Variants in ZSWIM5 observed in about 807,000 individuals in gnomAD.
The protein encoded by ZSWIM5 is zinc finger SWIM domain-containing protein 5.
Under a neutral mutation model 119.6 loss-of-function variants are expected in ZSWIM5, and 55 were observed. The observed-to-expected ratio is 0.46, with a 90% CI of 0.37 to 0.58. The LOEUF is 0.58. Among genes scored for constraint, ZSWIM5 ranks in the 20% least tolerant of loss-of-function variants. The pLI, the probability that ZSWIM5 is intolerant of heterozygous loss-of-function variation, is 0.00. For missense variants in ZSWIM5, 1,193 were observed against 1,512.8 expected, an observed-to-expected ratio of 0.79 and a Z score of 3.51; for synonymous variants, 537 against 606.9, an observed-to-expected ratio of 0.88 and a Z score of 1.69.
chr1:45,175,807 T>A (rs1199145326), intron 1 of ZSWIM5, among the ~76,000 whole-genome samples: 2 of 151,950 alleles, frequency 1.3e-5, no homozygotes, highest in South Asian at 2.1e-4. Context: ...TTTCATTCAA[T>A]GGGTTGGTTA....
intron 4 of ZSWIM5, among the ~76,000 whole-genome samples, chr1:45,054,678 T>C (rs555430160): frequency 6.7e-6 from 1 of 149,834 alleles, no homozygotes; most frequent in South Asian, 2.1e-4. Context: ...AAATATTAAA[T>C]ATAATAAAAT....
intron 1 of ZSWIM5, among the ~76,000 whole-genome samples, chr1:45,137,922 G>GCTTT (rs1264768352): frequency 2.6e-5 from 4 of 152,170 alleles, no homozygotes; most frequent in Non-Finnish European, 5.9e-5. Context: ...TAGGAACAAG[G>GCTTT]AGGCCAGTTA....
At chr1:45,158,371 G>A (rs985336656) in intron 1 of ZSWIM5, among the ~76,000 whole-genome samples, 2 of 151,952 alleles carry the variant, frequency 1.3e-5, no homozygotes, top group Admixed American at 6.6e-5. Flanking sequence ...GTTTTGCCAC[G>A]TTGCCCAGGC....
chr1:45,040,562 T>G, intron 6 of ZSWIM5, 24 bp from the exon 7 acceptor site: 1 of 1,559,280 alleles, frequency 6.4e-7, no homozygotes. Flanking sequence ...AGAAGATATT[T>G]TGGTCTAGTT....
rs555643629 is a variant in ZSWIM5, at chr1:45,118,620, T to C, written c.596-30383A>G. ...AGCCAAGTGTGCTGGTGCATGCCTGTAGTCCCAGCTACTCTGGAGGCTGAG... is the reference window on the plus strand; with the variant it reads ...AGCCAAGTGTGCTGGTGCATGCCTGCAGTCCCAGCTACTCTGGAGGCTGAG... On this transcript the variant is annotated intron_variant, in intron 1 of 13. Transcript: ENST00000359600. 3.3e-5 allele frequency among the ~76,000 whole-genome samples: 5 copies of C among 151,676 alleles called. No individual in the cohort carries two copies. The East Asian group carries it at 7.8e-4, about 24-fold the overall frequency.
chr1:45,034,069 G>A (rs1387199940), intron 11 of ZSWIM5, among the ~76,000 whole-genome samples: 1 of 152,146 alleles, frequency 6.6e-6, no homozygotes, highest in African/African-American at 2.4e-5. Flanking sequence ...TGGCCAGGAT[G>A]GTCTCGATCT....
chr1:45,029,881 T>C (rs1447460515), intron 11 of ZSWIM5, among the ~76,000 whole-genome samples: 2 of 152,242 alleles, frequency 1.3e-5, no homozygotes, highest in African/African-American at 4.8e-5. Context: ...TTATTATAAA[T>C]GTACAACTAT....
At chr1:45,115,480 C>T (rs1645548934) in intron 1 of ZSWIM5, among the ~76,000 whole-genome samples, 1 of 149,162 alleles carries the variant, frequency 6.7e-6, no homozygotes, top group African/African-American at 2.5e-5. Context: ...CGGGCAGAGA[C>T]ACTCCTCAGT....
At chr1:45,169,698 CAATACAAGCTT>C (rs1342219526) in intron 1 of ZSWIM5, among the ~76,000 whole-genome samples, 3 of 152,012 alleles carry the variant, frequency 2.0e-5, no homozygotes, top group African/African-American at 7.2e-5. Flanking sequence ...CCTAACTCAG[CAATACAAGCTT>C]AATACATAGT....
At chr1:45,021,881 G>A (rs1416996770) in intron 11 of ZSWIM5, among the ~76,000 whole-genome samples, 1 of 151,762 alleles carries the variant, frequency 6.6e-6, no homozygotes, top group Non-Finnish European at 1.5e-5. Context: ...AATTAGCCAG[G>A]CATGGTGGCG....
chr1:45,164,324 T>G (rs1268934828), intron 1 of ZSWIM5, among the ~76,000 whole-genome samples: 2 of 152,076 alleles, frequency 1.3e-5, no homozygotes, highest in Non-Finnish European at 2.9e-5. Flanking sequence ...AAGGAAGCAC[T>G]AAACATGGAA....
intron 1 of ZSWIM5, among the ~76,000 whole-genome samples, chr1:45,163,208 G>A (rs543685557): frequency 1.3e-5 from 2 of 152,288 alleles, no homozygotes; most frequent in South Asian, 2.1e-4. Context: ...CAGGTAAACA[G>A]GGTCTGGAGT....
intron 2 of ZSWIM5, among the ~76,000 whole-genome samples, chr1:45,073,863 GT>G (rs1193076220): frequency 6.6e-6 from 1 of 151,906 alleles, no homozygotes; most frequent in African/African-American, 2.4e-5. Flanking sequence ...GATATTAGCT[GT>G]GGGTCTGCCA....
At chr1:45,174,052 A>C (rs1645961066) in intron 1 of ZSWIM5, among the ~76,000 whole-genome samples, 1 of 152,146 alleles carries the variant, frequency 6.6e-6, no homozygotes, top group Admixed American at 6.6e-5. Flanking sequence ...AGGTGGGTGG[A>C]TCACTTGAGG....
chr1:45,153,952 C>T (rs1186537747), intron 1 of ZSWIM5, among the ~76,000 whole-genome samples: 1 of 152,120 alleles, frequency 6.6e-6, no homozygotes, highest in African/African-American at 2.4e-5. Context: ...TATACACCAA[C>T]AGTGACCAAG....
chr1:45,174,379 TAAAC>T (rs1356648231), intron 1 of ZSWIM5, among the ~76,000 whole-genome samples: 1 of 152,056 alleles, frequency 6.6e-6, no homozygotes, highest in Admixed American at 6.6e-5. Flanking sequence ...CATATTCTCT[TAAAC>T]AATTCAAAAT....
chr1:45,046,822 G>A (rs1645058093), intron 5 of ZSWIM5, among the ~76,000 whole-genome samples: 1 of 151,738 alleles, frequency 6.6e-6, no homozygotes, highest in Non-Finnish European at 1.5e-5. Context: ...TCAAGAGTTC[G>A]AGACCAGCCA....
At chr1:45,127,454 T>A (rs1645628636) in intron 1 of ZSWIM5, among the ~76,000 whole-genome samples, 1 of 152,000 alleles carries the variant, frequency 6.6e-6, no homozygotes, top group East Asian at 1.9e-4. Context: ...TTTTTTTTTT[T>A]TTTAAAAGAG....
At chr1:45,064,382 C>T (rs1645171266) in intron 2 of ZSWIM5, among the ~76,000 whole-genome samples, 1 of 152,084 alleles carries the variant, frequency 6.6e-6, no homozygotes, top group African/African-American at 2.4e-5. Flanking sequence ...CATTTTTGTA[C>T]TTCACAGTGT....
Sources: gnomAD v4.1 joint callset for allele counts (sites outside exome capture counted in the v4.1 genomes callset) on GRCh38, gnomAD v4.1.1 for gene constraint, MANE v1.5 for transcripts, NCBI Gene and HGNC (gene_info 2026-07-23, HGNC 2026-07-21) for gene names.